Variants in DNAH8 observed in about 807,000 individuals in gnomAD.
DNAH8 encodes the protein dynein axonemal heavy chain 8, also known as axonemal beta dynein heavy chain 8.
A neutral mutation model predicts 562.1 loss-of-function variants in DNAH8; 382 were observed. The ratio of observed to expected loss-of-function variants is 0.68; its 90% confidence interval spans 0.63 to 0.74. The LOEUF is 0.74. Ranked by LOEUF, DNAH8 falls within the 30% of genes least tolerant of loss-of-function variation. The pLI is 0.00. For synonymous variants in DNAH8, 1,881 were observed against 1,919.4 expected (o/e 0.98, Z 0.52); for missense variants, 5,203 against 5,620.4 (o/e 0.93, Z 2.37).
At chr6:38,929,466 A>C in intron 74 of DNAH8, 45 bp from the exon 75 acceptor site, 2 of 1,500,682 alleles carry the variant, frequency 1.3e-6, no homozygotes, top group Non-Finnish European at 8.9e-7. Flanking sequence ...AGCAATGGGC[A>C]CATTCTTTGT....
chr6:38,743,996 ATG>A (rs1416613270), intron 8 of DNAH8: 1 of 152,178 alleles, frequency 6.6e-6, no homozygotes, highest in Non-Finnish European at 1.5e-5. Context: ...AAGCTTTTAT[ATG>A]TCCATATGCA....
intron 30 of DNAH8, 99 bp from the exon 31 acceptor site, chr6:38,832,223 A>G (rs1773899138): frequency 2.8e-6 from 2 of 702,164 alleles, no homozygotes; most frequent in African/African-American, 1.8e-5. Context: ...CCTTGTTCAT[A>G]TAGGATATCT....
chr6:38,811,852 A>G (rs1176355056), intron 24 of DNAH8, among the ~76,000 whole-genome samples: 2 of 151,988 alleles, frequency 1.3e-5, no homozygotes, highest in African/African-American at 4.8e-5. Flanking sequence ...GACACTTGGA[A>G]CCCTGAGTAC....
At chr6:38,822,746 T>TA in intron 26 of DNAH8, 92 bp from the exon 27 acceptor site, 1 of 1,002,232 alleles carries the variant, frequency 1.0e-6, no homozygotes, top group Non-Finnish European at 1.4e-6. Flanking sequence ...TTTAAGAAAA[T>TA]ACAGTTTGAA....
At position 38,898,245 on chromosome 6, in the gene DNAH8, T is replaced by C. The variant is rs1779831692; in HGVS notation, c.8941-13T>C. 3.2e-6 allele frequency: 5 copies of C among 1,575,246 alleles called. No homozygotes were observed. The highest frequency in any genetic ancestry group is 3.9e-5 in the Admixed American group (2 of 50,828). On this transcript the variant is annotated splice_polypyrimidine_tract_variant and intron_variant, in intron 60 of 92. Transcript: ENST00000327475. ...CTTAAATATTATTTTTTTATCTTTC[T>C]CTCCACCCATAGATGCCATCCTTTG...
At chr6:38,995,428 A>G (rs1362798313) in intron 88 of DNAH8, among the ~76,000 whole-genome samples, 1 of 152,200 alleles carries the variant, frequency 6.6e-6, no homozygotes, top group Admixed American at 6.5e-5. Flanking sequence ...CTTTGTAAAA[A>G]TGTGGAAGTT....
At chr6:38,885,819 C>T (rs1778875639) in intron 56 of DNAH8, among the ~76,000 whole-genome samples, 1 of 152,144 alleles carries the variant, frequency 6.6e-6, no homozygotes, top group Non-Finnish European at 1.5e-5. Flanking sequence ...CCCTTGAGCC[C>T]CTCCTATATT....
At position 38,853,168 on chromosome 6, in the gene DNAH8, C is replaced by G; in HGVS notation, c.5572-18C>G. ...CAAATTATTATCAATTTATAATATC[C>G]TTGTAATTTTGTTTTAGTTGGATAA... On this transcript the variant is annotated intron_variant, in intron 40 of 92. Transcript: ENST00000327475. 1 of 1,580,132 alleles carries G rather than the reference C, an allele frequency of 6.3e-7. No individual in the cohort carries two copies. The highest frequency in any genetic ancestry group is 1.9e-5 in the Admixed American group (1 of 52,488).
intron 22 of DNAH8, among the ~76,000 whole-genome samples, chr6:38,805,278 A>G (rs555121458): frequency 7.6e-4 from 116 of 152,332 alleles, no homozygotes; most frequent in African/African-American, 2.4e-3. Context: ...TCTTAGTAGA[A>G]TGACAATTCT....
chr6:38,728,321 G>A (rs1415301839), intron 3 of DNAH8, among the ~76,000 whole-genome samples: 2 of 124,476 alleles, frequency 1.6e-5, no homozygotes, highest in African/African-American at 5.3e-5. Flanking sequence ...GTATAATAAT[G>A]CCACTTTACC....
chr6:38,954,917 C>G (rs1762147199), intron 82 of DNAH8, among the ~76,000 whole-genome samples: 1 of 152,154 alleles, frequency 6.6e-6, no homozygotes, highest in African/African-American at 2.4e-5. Context: ...TTAAAACTTT[C>G]AAGGACTCTC....
intron 21 of DNAH8, among the ~76,000 whole-genome samples, chr6:38,801,671 T>A (rs1348863774): frequency 6.6e-6 from 1 of 152,234 alleles, no homozygotes; most frequent in Non-Finnish European, 1.5e-5. Flanking sequence ...ACAAACTGAA[T>A]GAATGATGGA....
intron 1 of DNAH8, among the ~76,000 whole-genome samples, chr6:38,717,226 C>T (rs1159071125): frequency 6.6e-6 from 1 of 152,150 alleles, no homozygotes; most frequent in Non-Finnish European, 1.5e-5. Context: ...GAGAAGGACC[C>T]AGAGAAAGTG....
intron 1 of DNAH8, among the ~76,000 whole-genome samples, chr6:38,722,218 T>C (rs1263152533): frequency 1.3e-5 from 2 of 152,210 alleles, no homozygotes; most frequent in Non-Finnish European, 2.9e-5. Flanking sequence ...TGGGGTTATT[T>C]ATTTTGGCTG....
intron 91 of DNAH8, among the ~76,000 whole-genome samples, chr6:39,025,919 A>G (rs948024313): frequency 6.6e-6 from 1 of 152,186 alleles, no homozygotes; most frequent in African/African-American, 2.4e-5. Flanking sequence ...AATTGAATGC[A>G]TGGTTTGCAA....
intron 87 of DNAH8, among the ~76,000 whole-genome samples, chr6:38,988,383 A>G (rs1764548960): frequency 6.6e-6 from 1 of 152,188 alleles, no homozygotes; most frequent in African/African-American, 2.4e-5. Flanking sequence ...TTATACATAC[A>G]TGTCATCTGA....
chr6:38,752,463 A>G (rs4714177), intron 9 of DNAH8, among the ~76,000 whole-genome samples: 42,367 of 152,170 alleles, frequency 0.28, 7,344 homozygotes, highest in East Asian at 0.57. Context: ...CGGGCCCAAC[A>G]CTTTCAAATT....
chr6:38,736,468 A>G (rs893846807), intron 5 of DNAH8, among the ~76,000 whole-genome samples: 2 of 152,178 alleles, frequency 1.3e-5, no homozygotes, highest in Non-Finnish European at 2.9e-5. Context: ...ACGACACCAA[A>G]CTGTATGAGT....
intron 8 of DNAH8, among the ~76,000 whole-genome samples, chr6:38,743,255 A>G (rs540314018): frequency 2.1e-4 from 32 of 152,082 alleles, no homozygotes; most frequent in Non-Finnish European, 3.5e-4. Flanking sequence ...CTTCCACCTC[A>G]GCCTCCCAAA....
Sources: gnomAD v4.1 joint callset for allele counts (sites outside exome capture counted in the v4.1 genomes callset) on GRCh38, gnomAD v4.1.1 for gene constraint, MANE v1.5 for transcripts, NCBI Gene and HGNC (gene_info 2026-07-23, HGNC 2026-07-21) for gene names.